The following AMBRA1 variants were observed in gnomAD, a reference collection of about 807,000 sequenced individuals.
The protein encoded by AMBRA1 is autophagy and beclin 1 regulator 1, also known as activating molecule in BECN1-regulated autophagy protein 1.
A neutral mutation model predicts 125.4 loss-of-function variants in AMBRA1; 47 were observed. The ratio of observed to expected loss-of-function variants is 0.37; its 90% CI spans 0.30 to 0.48. AMBRA1 has a LOEUF of 0.48. Ranked by LOEUF, AMBRA1 falls within the 20% of genes least tolerant of loss-of-function variation. The pLI is 0.99. For synonymous variants in AMBRA1, 626 were observed against 655.5 expected (o/e 0.95, Z 0.69); for missense variants, 1,331 against 1,693.4 (o/e 0.79, Z 3.76).
chr11:46,421,046 C>T (rs940579155), intron 14 of AMBRA1, among the ~76,000 whole-genome samples: 3 of 152,180 alleles, frequency 2.0e-5, no homozygotes, highest in African/African-American at 7.2e-5. Flanking sequence ...TCATTTGTTG[C>T]TGTACAGGGA....
chr11:46,518,681 T>A, intron 7 of AMBRA1, among the ~76,000 whole-genome samples: 1 of 152,088 alleles, frequency 6.6e-6, no homozygotes, highest in African/African-American at 2.4e-5. Flanking sequence ...TCTAAAACAT[T>A]TGCTTACATA....
intron 4 of AMBRA1, among the ~76,000 whole-genome samples, chr11:46,546,329 C>T (rs956610568): frequency 1.3e-5 from 2 of 152,094 alleles, no homozygotes; most frequent in Non-Finnish European, 2.9e-5. Context: ...CGTGAGCCAC[C>T]GCGCCCAGCC....
At chr11:46,468,768 C>T (rs1949442449) in intron 11 of AMBRA1, among the ~76,000 whole-genome samples, 1 of 148,422 alleles carries the variant, frequency 6.7e-6, no homozygotes, top group Admixed American at 6.7e-5. Flanking sequence ...GCCGAGATCA[C>T]ACCACTGCAC....
At chr11:46,451,033 A>G (rs1948565733) in intron 11 of AMBRA1, among the ~76,000 whole-genome samples, 1 of 152,204 alleles carries the variant, frequency 6.6e-6, no homozygotes, top group Non-Finnish European at 1.5e-5. Flanking sequence ...GGGAGGGGCC[A>G]CGACTTTCAT....
chr11:46,460,614 C>T (rs914736079), intron 11 of AMBRA1, among the ~76,000 whole-genome samples: 20 of 152,140 alleles, frequency 1.3e-4, no homozygotes, highest in Non-Finnish European at 2.4e-4. Flanking sequence ...TGAGCCACCG[C>T]GTCCAGCATA....
intron 1 of AMBRA1, among the ~76,000 whole-genome samples, chr11:46,591,833 G>T (rs1245379335): frequency 1.3e-5 from 2 of 151,712 alleles, no homozygotes; most frequent in Non-Finnish European, 2.9e-5. Flanking sequence ...CTCCAGCCTG[G>T]GGGACAAAGC....
At chr11:46,560,151 T>C (rs1461651382) in intron 1 of AMBRA1, among the ~76,000 whole-genome samples, 2 of 152,234 alleles carry the variant, frequency 1.3e-5, no homozygotes, top group Non-Finnish European at 2.9e-5. Context: ...ATTAAAATTA[T>C]ACACAGTCCC....
At chr11:46,577,577 T>C (rs1331309964) in intron 1 of AMBRA1, among the ~76,000 whole-genome samples, 1 of 152,114 alleles carries the variant, frequency 6.6e-6, no homozygotes, top group African/African-American at 2.4e-5. Context: ...TGCCACTGAA[T>C]TGTTCATTTT....
chr11:46,485,911 G>A (rs2136934725), intron 11 of AMBRA1, among the ~76,000 whole-genome samples: 1 of 152,308 alleles, frequency 6.6e-6, no homozygotes, highest in South Asian at 2.1e-4. Flanking sequence ...TAAAGGGCTG[G>A]GGTAGAAAGG....
chr11:46,479,936 G>C (rs1306983053), intron 11 of AMBRA1, among the ~76,000 whole-genome samples: 1 of 152,048 alleles, frequency 6.6e-6, no homozygotes, highest in African/African-American at 2.4e-5. Flanking sequence ...GGACTCATTG[G>C]GCTAGAAGAA....
intron 15 of AMBRA1, among the ~76,000 whole-genome samples, chr11:46,413,688 G>A (rs994423421): frequency 1.3e-5 from 2 of 151,704 alleles, no homozygotes; most frequent in African/African-American, 4.8e-5. Context: ...ACAGTGTTTC[G>A]CCATGTTGGC....
At chr11:46,506,892 G>A (rs73467941) in intron 9 of AMBRA1, among the ~76,000 whole-genome samples, 1,829 of 151,934 alleles carry the variant, frequency 0.012, 42 homozygotes, top group African/African-American at 0.042. Context: ...TAGGCTGGGC[G>A]TGGTTGCTCA....
intron 12 of AMBRA1, among the ~76,000 whole-genome samples, chr11:46,436,762 A>G (rs1947740129): frequency 6.6e-6 from 1 of 152,200 alleles, no homozygotes; most frequent in South Asian, 2.1e-4. Context: ...CAGAAGTGAG[A>G]CCATCTTGGT....
At chr11:46,428,212 G>A (rs781703844) in intron 14 of AMBRA1, among the ~76,000 whole-genome samples, 1 of 151,764 alleles carries the variant, frequency 6.6e-6, no homozygotes, top group Non-Finnish European at 1.5e-5. Context: ...AAGAGGAGAG[G>A]GAGAGAGATG....
chr11:46,570,405 C>T (rs982530576), intron 1 of AMBRA1, among the ~76,000 whole-genome samples: 14 of 151,564 alleles, frequency 9.2e-5, no homozygotes, highest in Admixed American at 6.6e-4. Flanking sequence ...CAGAAAATGA[C>T]AAGTGGAGAT....
intron 11 of AMBRA1, among the ~76,000 whole-genome samples, chr11:46,486,758 T>C (rs1056032768): frequency 2.6e-5 from 4 of 151,884 alleles, no homozygotes; most frequent in Non-Finnish European, 5.9e-5. Context: ...ATATAAAAAT[T>C]AGCTGGGCAT....
intron 7 of AMBRA1, among the ~76,000 whole-genome samples, chr11:46,536,887 T>C (rs1271448251): frequency 6.6e-6 from 1 of 152,224 alleles, no homozygotes; most frequent in Non-Finnish European, 1.5e-5. Flanking sequence ...AGTCTTCATC[T>C]ATCATGAGAG....
At chr11:46,488,626 A>G (rs889379474) in intron 11 of AMBRA1, among the ~76,000 whole-genome samples, 11 of 152,310 alleles carry the variant, frequency 7.2e-5, no homozygotes, top group Non-Finnish European at 1.3e-4. Flanking sequence ...CATCTACAGG[A>G]CACTCCACTA....
intron 14 of AMBRA1, among the ~76,000 whole-genome samples, chr11:46,430,562 G>C (rs1947407801): frequency 6.6e-6 from 1 of 152,226 alleles, no homozygotes; most frequent in Admixed American, 6.5e-5. Flanking sequence ...GAACTGCTTA[G>C]AGTAAGTGCA....
Sources: gnomAD v4.1 joint callset for allele counts (sites outside exome capture counted in the v4.1 genomes callset) on GRCh38, gnomAD v4.1.1 for gene constraint, MANE v1.5 for transcripts, NCBI Gene and HGNC (gene_info 2026-07-23, HGNC 2026-07-21) for gene names.